The following ALKBH1 variants were observed in gnomAD, a reference collection of about 807,000 sequenced individuals.
The protein encoded by ALKBH1 is nucleic acid dioxygenase ALKBH1.
ALKBH1 carries 31 observed loss-of-function variants against 36.6 expected under a neutral mutation model. The observed-to-expected ratio is 0.85, with a 90% CI of 0.64 to 1.14. The LOEUF (loss-of-function observed/expected upper bound fraction) is 1.14, where lower values mean the gene tolerates loss of function less well. Among genes scored for constraint, ALKBH1 ranks in the 50% most tolerant of loss-of-function variants. ALKBH1 has a pLI of 0.00. For missense variants in ALKBH1, 490 were observed against 497.3 expected, an observed-to-expected ratio of 0.99 and a Z score of 0.14; for synonymous variants, 183 against 186.6, an observed-to-expected ratio of 0.98 and a Z score of 0.16.
intron 3 of ALKBH1, among the ~76,000 whole-genome samples, chr14:77,694,427 CACTTT>C (rs2139858760): frequency 6.6e-6 from 1 of 152,202 alleles, no homozygotes; most frequent in East Asian, 1.9e-4. Flanking sequence ...CAAAGGAACT[CACTTT>C]AAGTAGAAAA....
Position 77,674,155 on chromosome 14 carries a change from A to T in ALKBH1, c.827T>A (p.Met276Lys). 1.2e-6 allele frequency: 2 copies of T among 1,614,230 alleles called. No individual in the cohort carries two copies. The highest frequency in any genetic ancestry group is 2.2e-5 in the East Asian group (1 of 44,890). Residue 276 changes from methionine to lysine, a missense_variant, in exon 6 of 6, where the codon ATG becomes AAG. By Grantham distance (95) the Met-to-Lys change is moderately conservative. Transcript: ENST00000216489. ...TAMFMHSGDI[M>K]IMSGFSRLLN... ...GAGGCGGCTGAAACCCGACATTATC[A>T]TGATGTCACCACTGTGCATAAACAT...
At chr14:77,706,424 C>T (rs759322563) in intron 1 of ALKBH1, among the ~76,000 whole-genome samples, 6 of 152,152 alleles carry the variant, frequency 3.9e-5, no homozygotes, top group Non-Finnish European at 8.8e-5. Context: ...CTGAACGACA[C>T]CACTGAGCTT....
At chr14:77,680,107 G>C in intron 3 of ALKBH1, 137 bp from the exon 4 acceptor site, 1 of 635,512 alleles carries the variant, frequency 1.6e-6, no homozygotes, top group Non-Finnish European at 2.9e-6. Context: ...AATTAGAAGA[G>C]ATAAATGAGT....
chr14:77,697,698 A>AAG (rs2080335458), intron 2 of ALKBH1, among the ~76,000 whole-genome samples: 1 of 44,422 alleles, frequency 2.3e-5, no homozygotes, highest in African/African-American at 7.8e-5. Flanking sequence ...TTGCTGTAAT[A>AAG]AAAAAAAAAA....
intron 2 of ALKBH1, among the ~76,000 whole-genome samples, chr14:77,700,190 G>C (rs1301929192): frequency 6.6e-6 from 1 of 152,120 alleles, no homozygotes; most frequent in Non-Finnish European, 1.5e-5. Flanking sequence ...GCTGAAAGGA[G>C]GTTATGCCAT....
intron 1 of ALKBH1, among the ~76,000 whole-genome samples, chr14:77,704,857 G>C (rs1420242083): frequency 1.3e-5 from 2 of 152,178 alleles, no homozygotes; most frequent in African/African-American, 4.8e-5. Flanking sequence ...AGTAACAGTA[G>C]AGTCACCCAA....
Position 77,673,899 on chromosome 14 carries a change from T to C in ALKBH1, c.1083A>G (p.Glu361=), listed in dbSNP as rs767092213. The C allele has an allele frequency of 1.2e-6, 2 of 1,614,238 alleles. No individual in the cohort carries two copies. The highest frequency in any genetic ancestry group is 1.7e-6 in the Non-Finnish European group (2 of 1,180,038). ...QNFPLEPIED[E]KRDISTEGFC... is the part of the protein sequence containing the mutation. ...AACCTTCTGTACTGATGTCTCTTTT[T>C]TCATCCTCGATGGGTTCTAGAGGGA... Residue 361 remains glutamate, a synonymous_variant, in exon 6 of 6, where the codon GAA becomes GAG. Coordinates refer to ENST00000216489, the MANE Select transcript of ALKBH1 (RefSeq NM_006020.3).
chr14:77,700,003 A>T (rs1025189479), intron 2 of ALKBH1, among the ~76,000 whole-genome samples: 10 of 152,142 alleles, frequency 6.6e-5, no homozygotes, highest in South Asian at 4.2e-4. Flanking sequence ...TGCAGTGAGC[A>T]GAGATCACAC....
intron 3 of ALKBH1, among the ~76,000 whole-genome samples, chr14:77,684,274 A>G (rs1274820153): frequency 1.3e-5 from 2 of 152,180 alleles, no homozygotes; most frequent in Non-Finnish European, 2.9e-5. Context: ...CAGGAATTAC[A>G]CTTTGAAAAC....
At chr14:77,704,276 C>T (rs1161895698) in intron 2 of ALKBH1, 93 bp downstream of exon 2, 1 of 893,554 alleles carries the variant, frequency 1.1e-6, no homozygotes, top group East Asian at 2.4e-5. Flanking sequence ...TATCCTTTGT[C>T]TATTTACTTG....
chr14:77,688,730 C>T (rs930463073), intron 3 of ALKBH1, among the ~76,000 whole-genome samples: 8 of 150,930 alleles, frequency 5.3e-5, no homozygotes, highest in Non-Finnish European at 1.0e-4. Flanking sequence ...TGCCACCATG[C>T]CCAGCTATTT....
In ALKBH1 at chr14:77,703,574, C is replaced by A. The variant is rs545440312; in HGVS notation, c.292+795G>T. Among the ~76,000 whole-genome samples, 1,418 of 143,216 alleles carry A rather than the reference C, an allele frequency of 9.9e-3. 27 individuals are homozygous for A. Among genetic ancestry groups the A allele is most frequent in the African/African-American group, 0.035 (1,358 of 39,016 alleles). 94.0% of individuals were successfully genotyped at this position (143,216 alleles called of 152,430 possible). A position where few individuals can be genotyped will look rare whatever the true frequency, so the allele number is the denominator to read the frequency against. ...CCTCCCAAAGTGTTGGGATTACAGGCGTGAGCTACTGCGTCCAGCTTTTTT... is the reference window on the plus strand; with the variant it reads ...CCTCCCAAAGTGTTGGGATTACAGGAGTGAGCTACTGCGTCCAGCTTTTTT... On this transcript the variant is annotated intron_variant, in intron 2 of 5. Coordinates refer to ENST00000216489, the MANE Select transcript of ALKBH1 (RefSeq NM_006020.3).
At chr14:77,676,964 G>C (rs2080209472) in intron 4 of ALKBH1, among the ~76,000 whole-genome samples, 1 of 151,874 alleles carries the variant, frequency 6.6e-6, no homozygotes. Context: ...TTACTTCCCT[G>C]GGCTGTCTCT....
At chr14:77,675,622 A>G (rs760844810) in intron 5 of ALKBH1, 34 bp downstream of exon 5, 18 of 1,547,880 alleles carry the variant, frequency 1.2e-5, no homozygotes, top group Non-Finnish European at 1.6e-5. Flanking sequence ...ATTAAATGAT[A>G]AAAAGTAATC....
intron 4 of ALKBH1, among the ~76,000 whole-genome samples, chr14:77,676,869 G>A (rs2080208979): frequency 1.3e-5 from 2 of 152,234 alleles, no homozygotes; most frequent in South Asian, 4.1e-4. Flanking sequence ...CAATCTGATG[G>A]GATGACATGC....
At chr14:77,702,271 A>G (rs868117968) in intron 2 of ALKBH1, among the ~76,000 whole-genome samples, 1 of 152,232 alleles carries the variant, frequency 6.6e-6, no homozygotes, top group Non-Finnish European at 1.5e-5. Flanking sequence ...ACTGCACTCC[A>G]GCCTAGGCGA....
chr14:77,675,151 G>C (rs61992912), intron 5 of ALKBH1, among the ~76,000 whole-genome samples: 15,577 of 152,072 alleles, frequency 0.1, 943 homozygotes, highest in African/African-American at 0.15. Context: ...GGTAGGTTAC[G>C]GCCAGGTGCA....
intron 2 of ALKBH1, among the ~76,000 whole-genome samples, chr14:77,702,128 A>G (rs1345692407): frequency 6.6e-6 from 1 of 152,066 alleles, no homozygotes; most frequent in Non-Finnish European, 1.5e-5. Context: ...GTGAAACCCC[A>G]TCTCTACTAA....
At chr14:77,680,974 C>T (rs2080234799) in intron 3 of ALKBH1, among the ~76,000 whole-genome samples, 1 of 152,140 alleles carries the variant, frequency 6.6e-6, no homozygotes, top group African/African-American at 2.4e-5. Context: ...CCACAACTGG[C>T]CCACTACTCT....
Sources: allele counts gnomAD v4.1 joint callset (sites outside exome capture counted in the v4.1 genomes callset), GRCh38; gene constraint gnomAD v4.1.1; transcripts MANE v1.5; gene names NCBI Gene and HGNC (gene_info 2026-07-23, HGNC 2026-07-21).